RAB14: variants seen among roughly 807,000 people sequenced by gnomAD.
RAB14 encodes RAB14, member RAS oncogene family.
RAB14 carries 3 observed loss-of-function variants against 31.1 expected under a neutral mutation model. The ratio of observed to expected loss-of-function variants is 0.10; its 90% CI spans 0.04 to 0.25. RAB14 has a LOEUF of 0.25. Among genes scored for constraint, RAB14 ranks in the 10% least tolerant of loss-of-function variants. RAB14 has a pLI of 1.00. For missense variants in RAB14, 111 were observed against 260.1 expected, an observed-to-expected ratio of 0.43 and a Z score of 3.94; for synonymous variants, 85 against 84.9, an observed-to-expected ratio of 1.00 and a Z score of 0.00.
At chr9:121,187,140 T>A (rs1243032424) in intron 4 of RAB14, 121 bp from the exon 5 acceptor site, 1 of 540,322 alleles carries the variant, frequency 1.9e-6, no homozygotes, top group Non-Finnish European at 3.0e-6. Flanking sequence ...GACCAGTTAC[T>A]CAGAACAGTA....
chr9:121,179,883 G>GTGT lies in RAB14; in HGVS notation c.*1510_*1512dup, dbSNP rs1275739663. ...AGTGCATTTTCTATAGTACGCTGAGGTGTTACCTATTCTATTTCAAATAAA... is the reference window on the plus strand; with the variant it reads ...AGTGCATTTTCTATAGTACGCTGAGGTGTTGTTACCTATTCTATTTCAAATAAA... On this transcript the variant is annotated 3_prime_UTR_variant, in exon 8 of 8. Coordinates refer to ENST00000373840, the MANE Select transcript of RAB14 (RefSeq NM_016322.4). The GTGT allele has an allele frequency of 3.3e-5, 5 of 152,528 alleles. No individual in the cohort carries two copies. Among genetic ancestry groups the GTGT allele is most frequent in the African/African-American group, 1.2e-4 (5 of 41,410 alleles). 9.4% of individuals were successfully genotyped at this position (152,528 alleles called of 1,614,324 possible).
rs192077174 is a variant in RAB14 at position 121,188,598 on chromosome 9, C to T, written c.285-1579G>A. 7.3e-5 allele frequency among the ~76,000 whole-genome samples: 11 copies of T among 151,414 alleles called. No individual in the cohort carries two copies. The South Asian group carries it at 1.9e-3, about 26-fold the overall frequency. Reference sequence around the variant, plus strand: ...AAATGTTATGGCAAAACAACTGTCACGACAAGCTACGCTGTCAATTTAGAA... The same window carrying T: ...AAATGTTATGGCAAAACAACTGTCATGACAAGCTACGCTGTCAATTTAGAA... On this transcript the variant is annotated intron_variant, in intron 4 of 7. Transcript: ENST00000373840.
Position 121,181,344 on chromosome 9 carries a change from T to C in RAB14, c.*52A>G. On this transcript the variant is annotated 3_prime_UTR_variant, in exon 8 of 8. Transcript: ENST00000373840. ...ACAATGAGGCAGTAAAAAGTACTGC[T>C]TCCAACAGACAGAGGTGAAAGGTCA... The C allele has an allele frequency of 4.1e-6, 6 of 1,480,834 alleles. No individual in the cohort carries two copies. Among genetic ancestry groups the C allele is most frequent in the Non-Finnish European group, 4.6e-6 (5 of 1,096,834 alleles). The allele number at this position is 1,480,834 out of a possible 1,614,324, so 91.7% of individuals were successfully genotyped here.
chr9:121,183,144 C>G (rs1298790750), intron 6 of RAB14, among the ~76,000 whole-genome samples, 167 bp downstream of exon 6: 1 of 151,966 alleles, frequency 6.6e-6, no homozygotes, highest in East Asian at 1.9e-4. Context: ...CTGTACTGCT[C>G]CAACATAAAT....
intron 1 of RAB14, among the ~76,000 whole-genome samples, chr9:121,198,800 T>C (rs907483512): frequency 6.6e-6 from 1 of 152,228 alleles, no homozygotes; most frequent in Non-Finnish European, 1.5e-5. Context: ...TGACTTGCTT[T>C]AGAGGCCCAC....
rs1347020650 is a variant in RAB14 at position 121,180,737 on chromosome 9, T to G, written c.*659A>C. 3.3e-5 allele frequency: 5 copies of G among 152,650 alleles called. No individual in the cohort carries two copies. The highest frequency in any genetic ancestry group is 4.4e-5 in the Non-Finnish European group (3 of 68,040). The allele number at this position is 152,650 out of a possible 1,614,324, so 9.5% of individuals were successfully genotyped here. A position where few individuals can be genotyped will look rare whatever the true frequency, so the allele number is the denominator to read the frequency against. ...TATTGTTAGTTCGATTCCTTCAAAT[T>G]TTATACATATTTACTTTCTGTTAAA... On this transcript the variant is annotated 3_prime_UTR_variant, in exon 8 of 8. Coordinates refer to ENST00000373840, the MANE Select transcript of RAB14 (RefSeq NM_016322.4).
At chr9:121,190,479 T>C in intron 4 of RAB14, 75 bp downstream of exon 4, 2 of 1,329,240 alleles carry the variant, frequency 1.5e-6, no homozygotes, top group Non-Finnish European at 2.0e-6. Context: ...CTAAAAAAAA[T>C]GCCTATCAAT....
chr9:121,191,126 G>A (rs1348895148), intron 3 of RAB14, among the ~76,000 whole-genome samples: 1 of 152,062 alleles, frequency 6.6e-6, no homozygotes, highest in African/African-American at 2.4e-5. Flanking sequence ...ACTGGCCACC[G>A]TTTGCTGACC....
intron 1 of RAB14, among the ~76,000 whole-genome samples, chr9:121,200,082 C>T (rs575946028): frequency 8.5e-5 from 13 of 152,290 alleles, no homozygotes; most frequent in Non-Finnish European, 1.8e-4. Context: ...GATAAGGACA[C>T]TGAGTCCGAA....
chr9:121,187,871 G>A (rs2053666177), intron 4 of RAB14, among the ~76,000 whole-genome samples: 1 of 152,024 alleles, frequency 6.6e-6, no homozygotes, highest in Non-Finnish European at 1.5e-5. Flanking sequence ...CGTTTAACAT[G>A]TGAGGAAACG....
At chr9:121,194,480 T>G (rs1274765647) in intron 1 of RAB14, among the ~76,000 whole-genome samples, 1 of 152,232 alleles carries the variant, frequency 6.6e-6, no homozygotes, top group Non-Finnish European at 1.5e-5. Flanking sequence ...TCTGAATGTG[T>G]AAGACACGTG....
intron 1 of RAB14, among the ~76,000 whole-genome samples, chr9:121,197,032 A>G (rs1365434442): frequency 1.3e-5 from 2 of 152,170 alleles, no homozygotes; most frequent in African/African-American, 4.8e-5. Context: ...CTAGAACTTG[A>G]ACCCAGGCCT....
intron 4 of RAB14, 41 bp downstream of exon 4, chr9:121,190,513 A>G (rs745493461): frequency 6.6e-7 from 1 of 1,514,666 alleles, no homozygotes; most frequent in Non-Finnish European, 8.9e-7. Flanking sequence ...CCCAAAGTAG[A>G]TTTATTTTCC....
intron 3 of RAB14, among the ~76,000 whole-genome samples, chr9:121,191,610 C>A (rs889505792): frequency 1.3e-5 from 2 of 152,134 alleles, no homozygotes; most frequent in Non-Finnish European, 2.9e-5. Context: ...CCTAAACCCA[C>A]CATTCTCCAG....
chr9:121,181,832 C>G (rs2053635287), intron 7 of RAB14, among the ~76,000 whole-genome samples: 1 of 149,916 alleles, frequency 6.7e-6, no homozygotes, highest in Non-Finnish European at 1.5e-5. Context: ...ACTGCAACCT[C>G]CACCTCCCAA....
chr9:121,198,865 TTAATCTAA>T (rs759781648), intron 1 of RAB14, among the ~76,000 whole-genome samples: 8 of 152,104 alleles, frequency 5.3e-5, no homozygotes, highest in Non-Finnish European at 8.8e-5. Flanking sequence ...ACTTCTGTAG[TTAATCTAA>T]TAATCTAATC....
At chr9:121,186,895 C>A in intron 5 of RAB14, 58 bp downstream of exon 5, 1 of 1,267,030 alleles carries the variant, frequency 7.9e-7, no homozygotes, top group Non-Finnish European at 1.1e-6. Context: ...AATGGCTTCC[C>A]TTTTTGGGTT....
intron 1 of RAB14, 144 bp downstream of exon 1, chr9:121,201,495 C>A (rs549905135): frequency 7.9e-4 from 120 of 152,492 alleles, no homozygotes; most frequent in African/African-American, 2.8e-3. Context: ...CGCCGACCCA[C>A]GGGCTAGCCA....
At chr9:121,200,928 G>A (rs1272267434) in intron 1 of RAB14, among the ~76,000 whole-genome samples, 1 of 152,210 alleles carries the variant, frequency 6.6e-6, no homozygotes, top group Non-Finnish European at 1.5e-5. Context: ...TCTTCTCTTA[G>A]ATTCTAGAAA....
Sources: allele counts gnomAD v4.1 joint callset (sites outside exome capture counted in the v4.1 genomes callset), GRCh38; gene constraint gnomAD v4.1.1; transcripts MANE v1.5; gene names NCBI Gene and HGNC (gene_info 2026-07-23, HGNC 2026-07-21).